The following ZNF83 variants were observed in gnomAD, a reference collection of about 807,000 sequenced individuals.
ZNF83 encodes the protein zinc finger protein 83, also known as zinc finger protein 816B.
For synonymous variants in ZNF83, 209 were observed against 213.0 expected, an observed-to-expected ratio of 0.98 and a Z score of 0.17; for missense variants, 552 against 629.9, an observed-to-expected ratio of 0.88 and a Z score of 1.32.
At chr19:52,666,699 A>C (rs1267734020) in intron 1 of ZNF83, among the ~76,000 whole-genome samples, 2 of 152,148 alleles carry the variant, frequency 1.3e-5, no homozygotes, top group Non-Finnish European at 2.9e-5. Flanking sequence ...TCTGGTAGAA[A>C]AAGATGATTT....
intron 2 of ZNF83, among the ~76,000 whole-genome samples, chr19:52,616,071 T>A (rs564531444): frequency 1.3e-5 from 2 of 152,272 alleles, no homozygotes; most frequent in African/African-American, 4.8e-5. Context: ...CTCCTGACCT[T>A]AGGTGATCCA....
exon 3 of ZNF83, chr19:52,613,486 A>G (rs1290267541): frequency 1.9e-6 from 3 of 1,614,012 alleles, no homozygotes; most frequent in Non-Finnish European, 2.5e-6. Flanking sequence ...ATGTTGGGCA[A>G]GGTATGAATT....
chr19:52,619,831 A>G (rs187021102), intron 2 of ZNF83, among the ~76,000 whole-genome samples: 8 of 152,072 alleles, frequency 5.3e-5, no homozygotes, highest in Non-Finnish European at 1.0e-4. Context: ...AGGTTGCAGT[A>G]ATCCAAGATC....
intron 1 of ZNF83, among the ~76,000 whole-genome samples, chr19:52,680,602 A>G (rs1261038331): frequency 1.5e-5 from 2 of 135,598 alleles, no homozygotes; most frequent in African/African-American, 5.6e-5. Context: ...CTTTTCCACA[A>G]AATATTTTTT....
intron 1 of ZNF83, among the ~76,000 whole-genome samples, chr19:52,689,270 G>C (rs1568590345): frequency 6.6e-6 from 1 of 152,134 alleles, no homozygotes; most frequent in Non-Finnish European, 1.5e-5. Flanking sequence ...AAACAATTCT[G>C]TTTCTCTCAT....
At chr19:52,639,415 A>ATTTTTTTTTTTTTTTTTT (rs1160711365), upstream of ZNF83, among the ~76,000 whole-genome samples, 9 of 86,306 alleles carry the variant, frequency 1.0e-4, no homozygotes, top group East Asian at 5.6e-4. Flanking sequence ...AGTTTTTTCT[A>ATTTTTTTTTTTTTTTTTT]TTTTTTTTTT....
At chr19:52,671,520 T>C (rs932936565) in intron 1 of ZNF83, among the ~76,000 whole-genome samples, 5 of 152,090 alleles carry the variant, frequency 3.3e-5, no homozygotes, top group Non-Finnish European at 5.9e-5. Flanking sequence ...CACTGCTCCT[T>C]GCACCCTCAA....
At chr19:52,678,510 A>T (rs1568581112) in intron 1 of ZNF83, among the ~76,000 whole-genome samples, 1 of 151,912 alleles carries the variant, frequency 6.6e-6, no homozygotes, top group Admixed American at 6.6e-5. Context: ...TTCTTATGTA[A>T]AAACAAGGGT....
chr19:52,686,041 G>A (rs2062010073), intron 1 of ZNF83, among the ~76,000 whole-genome samples: 3 of 151,888 alleles, frequency 2.0e-5, no homozygotes, highest in African/African-American at 7.2e-5. Context: ...CCCAGCTCAA[G>A]ATTTTAACAA....
At position 52,630,197 on chromosome 19, in the gene ZNF83, T is replaced by A. The variant is rs1022224235; in HGVS notation, c.-234+4869A>T. ...CCAGAGCCCCTGGAACGCTGGCCCA[T>A]GGCTCTCTGACTGACTCCTTCCCAG... is the stretch of plus-strand genomic sequence containing the variant. On this transcript the variant is annotated intron_variant, in intron 2 of 2. Coordinates refer to ENST00000301096, the Ensembl canonical transcript of ZNF83. Among the ~76,000 whole-genome samples the A allele has an allele frequency of 1.4e-4, 21 of 152,106 alleles. 1 individual carries two copies. Among genetic ancestry groups the A allele is most frequent in the Admixed American group, 1.2e-3 (18 of 15,276 alleles).
chr19:52,658,687 TCTTAC>T, intron 2 of ZNF83, among the ~76,000 whole-genome samples: 1 of 152,338 alleles, frequency 6.6e-6, no homozygotes, highest in South Asian at 2.1e-4. Flanking sequence ...GGCACCCGGT[TCTTAC>T]CTTAGAGCAT....
intron 2 of ZNF83, among the ~76,000 whole-genome samples, chr19:52,629,772 G>T (rs1277995144): frequency 6.6e-6 from 1 of 152,004 alleles, no homozygotes; most frequent in Admixed American, 6.6e-5. Context: ...ACCCTAAAAG[G>T]TCAAAAGGCC....
At chr19:52,614,311 TTC>T in exon 3 of ZNF83, 1 of 1,613,838 alleles carries the variant, frequency 6.2e-7, no homozygotes, top group Non-Finnish European at 8.5e-7. Flanking sequence ...AATATTTGCT[TTC>T]TCTTTTTGTG....
chr19:52,634,930 G>A (rs1225211905), intron 2 of ZNF83, 136 bp downstream of exon 2: 1 of 778,328 alleles, frequency 1.3e-6, no homozygotes, highest in Non-Finnish European at 2.2e-6. Context: ...GAGAGGGACT[G>A]AGGGAAGGCA....
chr19:52,628,360 C>G (rs2060820732), intron 2 of ZNF83, among the ~76,000 whole-genome samples: 1 of 152,186 alleles, frequency 6.6e-6, no homozygotes, highest in Non-Finnish European at 1.5e-5. Flanking sequence ...TCTTTTTACT[C>G]TCTTCTCCAA....
chr19:52,652,791 G>GCCCC, intron 3 of ZNF83: 1 of 870,094 alleles, frequency 1.1e-6, no homozygotes, highest in Non-Finnish European at 1.9e-6. Flanking sequence ...TAAAGGCTTT[G>GCCCC]CCACACTCAT....
chr19:52,652,142 G>T, intron 3 of ZNF83: 1 of 226,230 alleles, frequency 4.4e-6, no homozygotes. Context: ...TGAATGTAAA[G>T]TAAAGACATT....
At chr19:52,620,254 C>CTCTGTGTGTG (rs55700493) in intron 2 of ZNF83, among the ~76,000 whole-genome samples, 105 of 134,360 alleles carry the variant, frequency 7.8e-4, no homozygotes, top group South Asian at 1.3e-3. Flanking sequence ...GTGTGTATAT[C>CTCTGTGTGTG]TGTGTGTGTA....
At chr19:52,676,491 G>A (rs933144895) in intron 1 of ZNF83, among the ~76,000 whole-genome samples, 14 of 151,456 alleles carry the variant, frequency 9.2e-5, no homozygotes, top group African/African-American at 1.4e-4. Context: ...CTCCCCGTCC[G>A]GGAGGGAGGT....
Sources: gnomAD v4.1 joint callset for allele counts (sites outside exome capture counted in the v4.1 genomes callset) on GRCh38, gnomAD v4.1.1 for gene constraint, MANE v1.5 for transcripts, NCBI Gene and HGNC (gene_info 2026-07-23, HGNC 2026-07-21) for gene names.